Variants in STIL observed in about 807,000 individuals in gnomAD.
STIL encodes SCL-interrupting locus protein.
A neutral mutation model predicts 110.1 loss-of-function variants in STIL; 55 were observed. The observed-to-expected ratio is 0.50, with a 90% CI of 0.40 to 0.63. The LOEUF (loss-of-function observed/expected upper bound fraction) is 0.63. Among genes scored for constraint, STIL ranks in the 20% least tolerant of loss-of-function variants. The pLI, the probability that STIL is intolerant of heterozygous loss-of-function variation, is 0.00. For synonymous variants in STIL, 481 were observed against 530.0 expected, an observed-to-expected ratio of 0.91 and a Z score of 1.27; for missense variants, 1,358 against 1,530.0, an observed-to-expected ratio of 0.89 and a Z score of 1.87.
intron 14 of STIL, among the ~76,000 whole-genome samples, chr1:47,268,614 C>A (rs1044566037): frequency 1.8e-4 from 28 of 151,500 alleles, no homozygotes; most frequent in Admixed American, 1.4e-3. Context: ...CAAAATTAGC[C>A]CAGCATGGTG....
rs867802549 is a variant in STIL at position 47,269,788 on chromosome 1, G to T, written c.2462C>A (p.Ser821Tyr). 1 of 1,614,038 alleles carries T rather than the reference G, an allele frequency of 6.2e-7. No homozygotes were observed. The highest frequency in any genetic ancestry group is 8.5e-7 in the Non-Finnish European group (1 of 1,180,030). Reference sequence around the variant, plus strand: ...GACAGAAAAATTCATGTCCTCACTGGAAATTTTGGTATCATCTTGCTTCAT... The same window carrying T: ...GACAGAAAAATTCATGTCCTCACTGTAAATTTTGGTATCATCTTGCTTCAT... ...SQMKQDDTKI[S>Y]SEDMNFSVDI... Residue 821 changes from serine to tyrosine, a missense_variant, in exon 14 of 17, where the codon TCC becomes TAC. Ser to Tyr is a moderately radical substitution (Grantham distance 144, BLOSUM62 -2). Coordinates refer to ENST00000371877, the MANE Select transcript of STIL (RefSeq NM_001048166.1).
At chr1:47,272,538 T>A (rs1212526391) in intron 12 of STIL, among the ~76,000 whole-genome samples, 2 of 151,548 alleles carry the variant, frequency 1.3e-5, no homozygotes, top group Non-Finnish European at 2.9e-5. Context: ...AGCCTCAACC[T>A]CCTGGGCTCA....
chr1:47,300,582 C>G (rs901516137), intron 5 of STIL, among the ~76,000 whole-genome samples: 1 of 152,104 alleles, frequency 6.6e-6, no homozygotes, highest in Non-Finnish European at 1.5e-5. Flanking sequence ...ATTCTCCTGC[C>G]TCAACCTCCC....
rs917964011 is a variant in STIL at position 47,251,853 on chromosome 1, G to A, written c.3150C>T (p.Gly1050=). Residue 1050 remains glycine (G), a synonymous_variant, in exon 17 of 17, where the codon GGC becomes GGT. Transcript: ENST00000371877. ...CACCATTGGGGCTTAAGCCGCTCAT[G>A]CCAACATTAGCAAATGACATGCAGT... is the stretch of plus-strand genomic sequence containing the variant. The part of the protein sequence containing the change: ...GLNCMSFANV[G]MSGLSPNGVD... 2 of 1,607,764 alleles carry A rather than the reference G, an allele frequency of 1.2e-6. No individual in the cohort carries two copies. The highest frequency in any genetic ancestry group is 8.5e-7 in the Non-Finnish European group (1 of 1,177,444).
chr1:47,294,262 C>A (rs756939071), intron 7 of STIL, among the ~76,000 whole-genome samples: 1 of 152,178 alleles, frequency 6.6e-6, no homozygotes, highest in Non-Finnish European at 1.5e-5. Context: ...ACTTTCCATA[C>A]TGGTCACTTT....
chr1:47,297,531 T>C (rs1424507656), intron 6 of STIL, among the ~76,000 whole-genome samples: 1 of 152,190 alleles, frequency 6.6e-6, no homozygotes, highest in African/African-American at 2.4e-5. Context: ...ACATAATGCC[T>C]ATGCCATAAT....
chr1:47,290,648 A>C (rs989531373), intron 8 of STIL, among the ~76,000 whole-genome samples: 63 of 151,582 alleles, frequency 4.2e-4, no homozygotes, highest in Non-Finnish European at 3.4e-4. Context: ...GCTTGCAGTG[A>C]GCCGAGATCG....
At position 47,260,662 on chromosome 1, in the gene STIL, C is replaced by T. The variant is rs556538999; in HGVS notation, c.2830-123G>A. On this transcript the variant is annotated intron_variant, in intron 15 of 16. Coordinates refer to ENST00000371877, the MANE Select transcript of STIL (RefSeq NM_001048166.1). ...CCAAGGCAGGAAGATCGCTTGAGCC[C>T]AGGAGTTTAAGACCCTGGGCAACAC... 3 of 1,073,542 alleles carry T rather than the reference C, an allele frequency of 2.8e-6. No homozygotes were observed. The Admixed American group carries it at 6.5e-5, about 23-fold the overall frequency. 66.5% of individuals were successfully genotyped at this position (1,073,542 alleles called of 1,614,324 possible).
At chr1:47,266,756 A>G (rs1463544840) in intron 14 of STIL, among the ~76,000 whole-genome samples, 1 of 152,236 alleles carries the variant, frequency 6.6e-6, no homozygotes, top group Non-Finnish European at 1.5e-5. Context: ...ATCAGTTAGT[A>G]TCTTAACTTC....
At chr1:47,270,241 A>AAAAT (rs1553172352) in intron 13 of STIL, among the ~76,000 whole-genome samples, 1 of 118,650 alleles carries the variant, frequency 8.4e-6, no homozygotes, top group African/African-American at 3.6e-5. Context: ...AAAAAAAAAA[A>AAAAT]ATATATATAT....
chr1:47,251,753 TGACA>T lies in STIL; in HGVS notation c.3246_3249del (p.Val1083LeufsTer27). Reference sequence around the variant, plus strand: ...TCACAATTATTTTGGTTCGATCGAGTGACAGACAGTTGTGACAGCTGATTTTCAT... The same window carrying T: ...TCACAATTATTTTGGTTCGATCGAGTGACAGTTGTGACAGCTGATTTTCAT... On this transcript the variant is annotated frameshift_variant, in exon 17 of 17. Coordinates refer to ENST00000371877, the MANE Select transcript of STIL (RefSeq NM_001048166.1). LOFTEE classifies it high-confidence loss of function. 3 of 1,614,064 alleles carry T rather than the reference TGACA, an allele frequency of 1.9e-6. No homozygotes were observed. The highest frequency in any genetic ancestry group is 2.5e-6 in the Non-Finnish European group (3 of 1,179,998).
At chr1:47,269,951 T>C in intron 13 of STIL, 85 bp from the exon 14 acceptor site, 1 of 1,323,342 alleles carries the variant, frequency 7.6e-7, no homozygotes, top group Non-Finnish European at 1.1e-6. Flanking sequence ...AGAATAGCCA[T>C]ATTGGCTGGG....
chr1:47,314,259 C>G (rs1390464635), upstream of STIL: 4 of 152,262 alleles, frequency 2.6e-5, no homozygotes. Context: ...CGCACGGTCG[C>G]CGTTACGTAT....
intron 2 of STIL, chr1:47,305,274 C>T (rs1645922859): frequency 6.2e-6 from 2 of 321,496 alleles, no homozygotes; most frequent in Admixed American, 4.6e-5. Context: ...TACAGGAGTG[C>T]ACCACCACAC....
rs147576532 is a variant in STIL at position 47,304,910 on chromosome 1, T to C, written c.131A>G (p.Tyr44Cys). The change falls in exon 3 of 17, where the codon TAC becomes TGC. Residue 44 changes from tyrosine (Y) to cysteine (C), a missense_variant. Physicochemically the swap from Tyr to Cys is radical, Grantham distance 194. Transcript: ENST00000371877. ...WNPTPTGDFIYLHLSYYRNPK... is the reference protein window; with the variant it reads ...WNPTPTGDFICLHLSYYRNPK... ...ATACCTGTAGTAACTGAGATGTAAG[T>C]AGATGAAATCTCCAGTTGGCGTTGG... 3.1e-6 allele frequency: 5 copies of C among 1,612,934 alleles called. No individual in the cohort carries two copies. Among genetic ancestry groups the C allele is most frequent in the Admixed American group, 1.7e-5 (1 of 60,018 alleles).
chr1:47,263,743 A>ATTTTTTT, intron 14 of STIL, among the ~76,000 whole-genome samples: 1 of 83,314 alleles, frequency 1.2e-5, no homozygotes, highest in Admixed American at 1.3e-4. Context: ...GTTCATTCCA[A>ATTTTTTT]GTTTTTTTTT....
At chr1:47,270,192 T>C (rs1325564442) in intron 13 of STIL, among the ~76,000 whole-genome samples, 2 of 147,194 alleles carry the variant, frequency 1.4e-5, no homozygotes, top group African/African-American at 2.5e-5. Context: ...GAGCTGTGAT[T>C]GTGCTACTGC....
chr1:47,272,893 T>C (rs1644881817), intron 12 of STIL, among the ~76,000 whole-genome samples: 1 of 152,190 alleles, frequency 6.6e-6, no homozygotes, highest in Non-Finnish European at 1.5e-5. Flanking sequence ...ATACTGAACA[T>C]ATCACACAAG....
At chr1:47,285,076 T>G (rs1645259675) in intron 10 of STIL, among the ~76,000 whole-genome samples, 1 of 149,378 alleles carries the variant, frequency 6.7e-6, no homozygotes, top group Non-Finnish European at 1.5e-5. Context: ...CAGGCTGCAG[T>G]GCAGTGCCAC....
Sources: allele counts gnomAD v4.1 joint callset (sites outside exome capture counted in the v4.1 genomes callset), GRCh38; gene constraint gnomAD v4.1.1; transcripts MANE v1.5; gene names NCBI Gene and HGNC (gene_info 2026-07-23, HGNC 2026-07-21).